The following PTPRT variants were observed in gnomAD, a reference collection of about 807,000 sequenced individuals.
PTPRT encodes the protein protein tyrosine phosphatase receptor type T.
In PTPRT, 56 loss-of-function variants were observed where a neutral mutation model predicts 176.8. The ratio of observed to expected loss-of-function variants is 0.32; its 90% CI spans 0.26 to 0.40. PTPRT has a LOEUF of 0.40. Ranked by LOEUF, PTPRT falls within the 10% of genes least tolerant of loss-of-function variation. The pLI is 1.00. For synonymous variants in PTPRT, 783 were observed against 739.0 expected (o/e 1.06, Z -0.96); for missense variants, 1,540 against 1,908.2 (o/e 0.81, Z 3.60).
At position 42,524,478 on chromosome 20, in the gene PTPRT, T is replaced by C. The variant is rs115933046; in HGVS notation, c.1154-51916A>G. ...ATTTTTCGCTGTTTTCTGGCTTTCATTGCTGCTGTTGAGAAACCTGCTTTG... is the reference window on the plus strand; with the variant it reads ...ATTTTTCGCTGTTTTCTGGCTTTCACTGCTGCTGTTGAGAAACCTGCTTTG... On this transcript the variant is annotated intron_variant, in intron 7 of 30. Transcript: ENST00000373187. Among the ~76,000 whole-genome samples, 1,160 of 152,342 alleles carry C rather than the reference T, an allele frequency of 7.6e-3. 12 individuals carry two copies. Among genetic ancestry groups the C allele is most frequent in the African/African-American group, 0.026 (1,099 of 41,584 alleles).
At chr20:43,116,191 C>T (rs1259064273) in intron 1 of PTPRT, among the ~76,000 whole-genome samples, 1 of 152,176 alleles carries the variant, frequency 6.6e-6, no homozygotes, top group Non-Finnish European at 1.5e-5. Flanking sequence ...AATCAAAGCA[C>T]GTCAAACACA....
chr20:42,471,140 CT>C (rs2071188893), intron 8 of PTPRT, among the ~76,000 whole-genome samples: 1 of 152,110 alleles, frequency 6.6e-6, no homozygotes, highest in Non-Finnish European at 1.5e-5. Flanking sequence ...GTACGCTAAG[CT>C]TTTTATATCT....
In PTPRT at chr20:42,571,339, C is replaced by T. The variant is rs556946731; in HGVS notation, c.1154-98777G>A. On this transcript the variant is annotated intron_variant, in intron 7 of 30. Transcript: ENST00000373187. ...AGAGAGTTGAAGATGCTGCATTGCTCGAGGAAGAGGCCATGAGCCAAGGAA... is the reference window on the plus strand; with the variant it reads ...AGAGAGTTGAAGATGCTGCATTGCTTGAGGAAGAGGCCATGAGCCAAGGAA... Among the ~76,000 whole-genome samples, 292 of 152,156 alleles carry T rather than the reference C, an allele frequency of 1.9e-3. 3 individuals carry two copies. Among genetic ancestry groups the T allele is most frequent in the Non-Finnish European group, 3.5e-3 (237 of 68,006 alleles).
At chr20:42,769,566 T>C (rs2077033317) in intron 5 of PTPRT, among the ~76,000 whole-genome samples, 1 of 152,184 alleles carries the variant, frequency 6.6e-6, no homozygotes, top group African/African-American at 2.4e-5. Context: ...AGCTCGTTGT[T>C]CTTTAAAGTT....
intron 17 of PTPRT, 53 bp downstream of exon 17, chr20:42,161,299 C>T: frequency 6.2e-7 from 1 of 1,601,834 alleles, no homozygotes; most frequent in Non-Finnish European, 8.6e-7. Context: ...GCTTTAGTGC[C>T]CAAATAAGCC....
chr20:42,067,118 G>C, the PTPRT span, among the ~76,000 whole-genome samples: 2 of 152,146 alleles, frequency 1.3e-5, no homozygotes, highest in African/African-American at 4.8e-5. Context: ...GCTCAGAGTT[G>C]GGGTCTGGGC....
intron 1 of PTPRT, among the ~76,000 whole-genome samples, chr20:43,174,327 A>G (rs955452093): frequency 2.0e-5 from 3 of 152,202 alleles, no homozygotes; most frequent in African/African-American, 7.2e-5. Flanking sequence ...CTACATCATA[A>G]CAGTGTTATG....
In PTPRT at chr20:42,104,713, T is replaced by C. The variant is rs1220551276; in HGVS notation, c.3396A>G (p.Gln1132=). 6.3e-7 allele frequency: 1 copy of C among 1,576,794 alleles called. No individual in the cohort carries two copies. The highest frequency in any genetic ancestry group is 1.1e-5 in the South Asian group (1 of 90,322). ...GGATGGCATCGTGCACAAACACATA[T>C]TGCTCCTGCAAAGTCAGAAGAGAGG... The part of the protein sequence containing the change: ...QRVNLVQTEE[Q]YVFVHDAILE... The change falls in exon 25 of 31, where the codon CAA becomes CAG. Residue 1132 remains glutamine (Q), a synonymous_variant. Transcript: ENST00000373187.
the PTPRT span, among the ~76,000 whole-genome samples, chr20:42,054,992 C>T: frequency 1.2e-3 from 176 of 152,250 alleles, no homozygotes; most frequent in Non-Finnish European, 2.1e-3. Flanking sequence ...CTCTAGACGA[C>T]GAGTTAGTGG....
At chr20:42,628,160 C>T (rs2074330831) in intron 7 of PTPRT, among the ~76,000 whole-genome samples, 1 of 152,122 alleles carries the variant, frequency 6.6e-6, no homozygotes, top group Admixed American at 6.5e-5. Context: ...TCTGGGCCTC[C>T]ACTTCCGTGG....
chr20:42,301,415 T>C (rs1393420621), intron 12 of PTPRT, among the ~76,000 whole-genome samples: 1 of 152,122 alleles, frequency 6.6e-6, no homozygotes, highest in Non-Finnish European at 1.5e-5. Context: ...ATATGAGAAC[T>C]CTAAAGGGAC....
intron 11 of PTPRT, among the ~76,000 whole-genome samples, chr20:42,327,080 G>GGGGTGTGT (rs1279798484): frequency 6.8e-6 from 1 of 146,332 alleles, no homozygotes; most frequent in Non-Finnish European, 1.5e-5. Flanking sequence ...ACTAGGTAGG[G>GGGGTGTGT]GTGTGTGTGT....
At chr20:42,745,672 A>G (rs2076681526) in intron 6 of PTPRT, among the ~76,000 whole-genome samples, 1 of 152,248 alleles carries the variant, frequency 6.6e-6, no homozygotes, top group Admixed American at 6.5e-5. Flanking sequence ...GGTTTAACTG[A>G]GTTTAGCCTA....
chr20:42,873,834 C>G (rs1470695773), intron 2 of PTPRT, among the ~76,000 whole-genome samples: 1 of 152,072 alleles, frequency 6.6e-6, no homozygotes, highest in East Asian at 1.9e-4. Flanking sequence ...GATTGTTGGA[C>G]TTTATTTTTT....
intron 1 of PTPRT, among the ~76,000 whole-genome samples, chr20:43,187,131 G>A (rs941536088): frequency 1.3e-5 from 2 of 152,122 alleles, no homozygotes; most frequent in African/African-American, 4.8e-5. Flanking sequence ...ACAAGCTTCC[G>A]CCCCGACTTT....
chr20:42,567,037 C>T (rs538198026), intron 7 of PTPRT, among the ~76,000 whole-genome samples: 15 of 151,954 alleles, frequency 9.9e-5, no homozygotes, highest in East Asian at 1.9e-4. Flanking sequence ...TTTGGGAGGC[C>T]GAGGCAGGTG....
chr20:42,120,468 C>T (rs1441752956), intron 19 of PTPRT, among the ~76,000 whole-genome samples: 2 of 152,230 alleles, frequency 1.3e-5, no homozygotes, highest in Non-Finnish European at 2.9e-5. Flanking sequence ...TCCCACATTG[C>T]TTCTCTATGC....
At chr20:42,812,995 T>C (rs994132514) in intron 2 of PTPRT, among the ~76,000 whole-genome samples, 4 of 152,220 alleles carry the variant, frequency 2.6e-5, no homozygotes, top group Non-Finnish European at 5.9e-5. Flanking sequence ...TTTATGTTCA[T>C]ATTCAGTTGA....
chr20:42,286,100 A>G (rs990321153), intron 12 of PTPRT, among the ~76,000 whole-genome samples: 1 of 152,052 alleles, frequency 6.6e-6, no homozygotes. Flanking sequence ...ACAAATAGAA[A>G]GATATCTCAT....
Sources: allele counts gnomAD v4.1 joint callset (sites outside exome capture counted in the v4.1 genomes callset), GRCh38; gene constraint gnomAD v4.1.1; transcripts MANE v1.5; gene names NCBI Gene and HGNC (gene_info 2026-07-23, HGNC 2026-07-21).